The following SLC22A5 variants were observed in gnomAD, a reference collection of about 807,000 sequenced individuals.
SLC22A5 encodes solute carrier family 22 member 5.
SLC22A5 carries 44 observed loss-of-function variants against 56.7 expected under a neutral mutation model. That is an observed-to-expected ratio of 0.78 (90% CI 0.61 to 1.00). The LOEUF is 1.00. SLC22A5 is among the 50% of genes least tolerant of loss of function. SLC22A5 has a pLI of 0.00. For missense variants in SLC22A5, 675 were observed against 723.0 expected (o/e 0.93, Z 0.76); for synonymous variants, 278 against 292.1 (o/e 0.95, Z 0.49).
chr5:132,392,096 G>A (rs888157724), intron 7 of SLC22A5, among the ~76,000 whole-genome samples: 1 of 152,210 alleles, frequency 6.6e-6, no homozygotes, highest in African/African-American at 2.4e-5. Flanking sequence ...TAATTCCATA[G>A]TGCCTGCAGT....
intron 7 of SLC22A5, 60 bp from the exon 8 acceptor site, chr5:132,392,373 T>C: frequency 6.7e-7 from 1 of 1,484,412 alleles, no homozygotes; most frequent in Non-Finnish European, 9.4e-7. Flanking sequence ...TGTTTTGCTC[T>C]CAATAGCTGC....
At chr5:132,375,806 G>A (rs1752122834) in intron 1 of SLC22A5, among the ~76,000 whole-genome samples, 1 of 152,168 alleles carries the variant, frequency 6.6e-6, no homozygotes, top group Non-Finnish European at 1.5e-5. Context: ...TTTCAGGTTG[G>A]GCCTGCATTC....
chr5:132,371,468 C>G (rs1433782348), intron 1 of SLC22A5, among the ~76,000 whole-genome samples: 1 of 152,080 alleles, frequency 6.6e-6, no homozygotes, highest in Non-Finnish European at 1.5e-5. Flanking sequence ...CTGTCCCCTC[C>G]GAACCTGTTG....
chr5:132,385,436 G>A lies in SLC22A5; in HGVS notation c.761G>A (p.Arg254Gln), dbSNP rs200699819. 335 of 1,614,044 alleles carry A rather than the reference G, an allele frequency of 2.1e-4. No homozygotes were observed. Among genetic ancestry groups the A allele is most frequent in the Non-Finnish European group, 2.7e-4 (319 of 1,180,030 alleles). ...MVLPLFAYFIRDWRMLLVALT... is the reference protein window; with the variant it reads ...MVLPLFAYFIQDWRMLLVALT... Reference sequence around the variant, plus strand: ...CTGCCACTGTTTGCTTACTTCATCCGAGACTGGCGGATGCTGCTGGTGGCG... The same window carrying A: ...CTGCCACTGTTTGCTTACTTCATCCAAGACTGGCGGATGCTGCTGGTGGCG... Residue 254 changes from arginine to glutamine, a missense_variant, in exon 4 of 10, where the codon CGA becomes CAA. Transcript: ENST00000245407.
Position 132,388,990 on chromosome 5 carries a change from C to T in SLC22A5, c.1021C>T (p.Arg341Trp), listed in dbSNP as rs780990156. Residue 341 changes from arginine (R) to tryptophan (W), a missense_variant, in exon 6 of 10, where the codon CGG becomes TGG. Transcript: ENST00000245407. ...ILDLLRTWNI[R>W]MVTIMSIMLW... ...GGATCTGCTTCGAACCTGGAATATC[C>T]GGATGGTCACCATCATGTCCATAAT... The T allele has an allele frequency of 3.3e-5, 54 of 1,613,268 alleles. No homozygotes were observed. Among genetic ancestry groups the T allele is most frequent in the Non-Finnish European group, 4.2e-5 (49 of 1,179,326 alleles).
At chr5:132,378,016 C>T in intron 1 of SLC22A5, 2 of 1,302,814 alleles carry the variant, frequency 1.5e-6, no homozygotes, top group Non-Finnish European at 2.1e-6. Flanking sequence ...TGGCCTGAAC[C>T]CCACTGAGCG....
At chr5:132,382,390 C>G (rs564733709) in intron 2 of SLC22A5, 2 of 151,758 alleles carry the variant, frequency 1.3e-5, no homozygotes, top group Non-Finnish European at 2.9e-5. Flanking sequence ...CAACCCACCC[C>G]CTGTGGCCTT....
intron 2 of SLC22A5, chr5:132,378,783 C>A (rs1752242737): frequency 2.4e-6 from 1 of 410,660 alleles, no homozygotes; most frequent in Non-Finnish European, 4.6e-6. Context: ...CCCTGGGTCA[C>A]TGTGACTCTG....
In SLC22A5 at chr5:132,394,604, A is replaced by AT. The variant is rs986035254; in HGVS notation, c.*336dup. On this transcript the variant is annotated 3_prime_UTR_variant, in exon 10 of 10. Transcript: ENST00000245407. Reference sequence around the variant, plus strand: ...TGTGAGAAGCATATGCTAAATGTACATTTTAATTTTAGACTACTTGAAAAG... The same window carrying AT: ...TGTGAGAAGCATATGCTAAATGTACATTTTTAATTTTAGACTACTTGAAAAG... 5.9e-6 allele frequency: 2 copies of AT among 340,180 alleles called. No homozygotes were observed. Among genetic ancestry groups the AT allele is most frequent in the African/African-American group, 4.2e-5 (2 of 47,658 alleles). 21.1% of individuals were successfully genotyped at this position (340,180 alleles called of 1,614,324 possible). A position where few individuals can be genotyped will look rare whatever the true frequency, so the allele number is the denominator to read the frequency against.
chr5:132,390,469 C>T, intron 6 of SLC22A5: 3 of 616,684 alleles, frequency 4.9e-6, no homozygotes, highest in East Asian at 2.8e-5. Context: ...ATGGAAGGCT[C>T]TGAGAGCGCA....
intron 1 of SLC22A5, among the ~76,000 whole-genome samples, chr5:132,373,205 C>T (rs1752001542): frequency 1.3e-5 from 2 of 152,136 alleles, no homozygotes; most frequent in Non-Finnish European, 2.9e-5. Flanking sequence ...AGAAGGGAAA[C>T]TTGAGGGTGG....
chr5:132,390,611 T>C, intron 6 of SLC22A5, 79 bp from the exon 7 acceptor site: 1 of 999,984 alleles, frequency 1.0e-6, no homozygotes, highest in Admixed American at 1.7e-5. Flanking sequence ...TTTACTGAAA[T>C]AATTGCATTG....
chr5:132,378,661 C>T, intron 2 of SLC22A5, 180 bp downstream of exon 2: 1 of 626,272 alleles, frequency 1.6e-6, no homozygotes. Flanking sequence ...AAATCTGACT[C>T]CGTAATTCTT....
rs1056332079 is a variant in SLC22A5, at chr5:132,395,031, G to A, written c.*759G>A. On this transcript the variant is annotated 3_prime_UTR_variant, in exon 10 of 10. Coordinates refer to ENST00000245407, the MANE Select transcript of SLC22A5 (RefSeq NM_003060.4). Reference sequence around the variant, plus strand: ...CCTCCTTGCTACTATAGCGTCTTATGTATGGTTTAAAGGAAATTTATCAGG... The same window carrying A: ...CCTCCTTGCTACTATAGCGTCTTATATATGGTTTAAAGGAAATTTATCAGG... 1.3e-5 allele frequency: 2 copies of A among 152,306 alleles called. No individual in the cohort carries two copies. The highest frequency in any genetic ancestry group is 2.9e-5 in the Non-Finnish European group (2 of 68,032). 9.4% of individuals were successfully genotyped at this position (152,306 alleles called of 1,614,324 possible).
chr5:132,372,781 A>G (rs1014076666), intron 1 of SLC22A5, among the ~76,000 whole-genome samples: 1 of 152,168 alleles, frequency 6.6e-6, no homozygotes, highest in South Asian at 2.1e-4. Context: ...AAGTTGCTGC[A>G]TCAACATTCT....
At chr5:132,389,092 C>T in intron 6 of SLC22A5, 71 bp downstream of exon 6, 1 of 935,564 alleles carries the variant, frequency 1.1e-6, no homozygotes, top group Non-Finnish European at 1.8e-6. Flanking sequence ...CTCTTGTTTA[C>T]AGACATGCCT....
intron 1 of SLC22A5, among the ~76,000 whole-genome samples, chr5:132,373,995 G>T (rs1752041995): frequency 6.6e-6 from 1 of 152,048 alleles, no homozygotes. Flanking sequence ...GAGGCAGGTG[G>T]ATCACAAGGC....
chr5:132,394,277 G>A lies in SLC22A5; in HGVS notation c.*5G>A, dbSNP rs554373076. The A allele has an allele frequency of 6.1e-5, 98 of 1,594,532 alleles. 1 individual carries two copies. Among genetic ancestry groups the A allele is most frequent in the South Asian group, 1.2e-4 (11 of 90,750 alleles). On this transcript the variant is annotated 3_prime_UTR_variant, in exon 10 of 10. Coordinates refer to ENST00000245407, the MANE Select transcript of SLC22A5 (RefSeq NM_003060.4). ...CTTAAAAGCACAGCCTTCTAACATC[G>A]CTTCCAGTAAGGGAGAAACTGAAGA...
Position 132,394,401 on chromosome 5 carries a change from T to G in SLC22A5, c.*129T>G. 1 of 796,238 alleles carries G rather than the reference T, an allele frequency of 1.3e-6. No individual in the cohort carries two copies. Among genetic ancestry groups the G allele is most frequent in the Non-Finnish European group, 2.2e-6 (1 of 444,768 alleles). The allele number at this position is 796,238 out of a possible 1,614,324, so 49.3% of individuals were successfully genotyped here. A position where few individuals can be genotyped will look rare whatever the true frequency, so the allele number is the denominator to read the frequency against. On this transcript the variant is annotated 3_prime_UTR_variant, in exon 10 of 10. Coordinates refer to ENST00000245407, the MANE Select transcript of SLC22A5 (RefSeq NM_003060.4). ...TTTGTCCTCTTGACCTGTGTCTGAC[T>G]TGCTCCTGGATGGGCACCCACACTC...
Sources: allele counts gnomAD v4.1 joint callset (sites outside exome capture counted in the v4.1 genomes callset), GRCh38; gene constraint gnomAD v4.1.1; transcripts MANE v1.5; gene names NCBI Gene and HGNC (gene_info 2026-07-23, HGNC 2026-07-21).